Variants in VPS8 observed in about 807,000 individuals in gnomAD.
VPS8 encodes the protein vacuolar protein sorting-associated protein 8 homolog.
A neutral mutation model predicts 216.4 loss-of-function variants in VPS8; 129 were observed. The ratio of observed to expected loss-of-function variants is 0.60; its 90% confidence interval spans 0.52 to 0.69. The LOEUF (loss-of-function observed/expected upper bound fraction) is 0.69, where lower values mean the gene tolerates loss of function less well. VPS8 is among the 30% of genes least tolerant of loss of function. VPS8 has a pLI of 0.00. For synonymous variants in VPS8, 571 were observed against 565.4 expected, an observed-to-expected ratio of 1.01 and a Z score of -0.14; for missense variants, 1,531 against 1,683.5, an observed-to-expected ratio of 0.91 and a Z score of 1.59.
At chr3:184,967,305 G>T (rs1747580218) in intron 39 of VPS8, among the ~76,000 whole-genome samples, 1 of 152,126 alleles carries the variant, frequency 6.6e-6, no homozygotes, top group Non-Finnish European at 1.5e-5. Context: ...CAAAAGTATG[G>T]TTTAGTTATG....
chr3:184,850,166 A>G lies in VPS8; in HGVS notation c.753+144A>G, dbSNP rs1723983053. 4 of 649,054 alleles carry G rather than the reference A, an allele frequency of 6.2e-6. No homozygotes were observed. In the South Asian group the frequency reaches 6.5e-5, roughly 11 times the overall value. The allele number at this position is 649,054 out of a possible 1,614,324, so 40.2% of individuals were successfully genotyped here. On this transcript the variant is annotated intron_variant, in intron 10 of 47. Transcript: ENST00000625842. ...ACATTACCTTATAAATAGAATCCTC[A>G]ACATTGAGCTGTCTTTTATTTGACT...
At chr3:184,824,867 C>T in intron 2 of VPS8, 82 bp downstream of exon 2, 4 of 1,348,136 alleles carry the variant, frequency 3.0e-6, no homozygotes, top group Non-Finnish European at 4.1e-6. Flanking sequence ...GACTCTAAGT[C>T]TGTCATTTTT....
intron 3 of VPS8, 27 bp from the exon 4 acceptor site, chr3:184,832,662 G>T: frequency 6.3e-7 from 1 of 1,575,862 alleles, no homozygotes; most frequent in East Asian, 2.3e-5. Flanking sequence ...GATTTTGAAT[G>T]TATTGATTTA....
rs915163632 is a variant in VPS8, at chr3:184,920,110, T to G, written c.2383-17T>G. On this transcript the variant is annotated splice_polypyrimidine_tract_variant and intron_variant, in intron 28 of 47. Coordinates refer to ENST00000625842, the MANE Select transcript of VPS8 (RefSeq NM_001009921.3). Reference sequence around the variant, plus strand: ...GCAAATAATAATTACTTTAAAAAATTTATTTCTCCCTTTTAGACTTTTGAA... The same window carrying G: ...GCAAATAATAATTACTTTAAAAAATGTATTTCTCCCTTTTAGACTTTTGAA... 4.7e-6 allele frequency: 7 copies of G among 1,490,232 alleles called. No homozygotes were observed. The African/African-American group carries it at 7.1e-5, about 15-fold the overall frequency. The allele number at this position is 1,490,232 out of a possible 1,614,324, so 92.3% of individuals were successfully genotyped here.
chr3:184,862,746 A>G (rs566138846), intron 15 of VPS8, 151 bp from the exon 16 acceptor site: 12 of 706,928 alleles, frequency 1.7e-5, no homozygotes, highest in Non-Finnish European at 2.8e-5. Context: ...CCTGTCACTG[A>G]GTAGTTCTTG....
intron 44 of VPS8, 96 bp from the exon 45 acceptor site, chr3:184,999,600 G>C (rs576082897): frequency 7.1e-7 from 1 of 1,403,242 alleles, no homozygotes; most frequent in Non-Finnish European, 9.5e-7. Flanking sequence ...ATTTCTACTT[G>C]TTAGAGATTT....
intron 33 of VPS8, among the ~76,000 whole-genome samples, 182 bp from the exon 34 acceptor site, chr3:184,930,288 G>A (rs1740450718): frequency 1.3e-5 from 2 of 152,128 alleles, no homozygotes; most frequent in Admixed American, 1.3e-4. Flanking sequence ...TTGCTTCTAA[G>A]AGTCTACCCT....
chr3:184,940,166 T>G (rs1742391560), intron 35 of VPS8, 31 bp from the exon 36 acceptor site: 3 of 1,388,820 alleles, frequency 2.2e-6, no homozygotes, highest in African/African-American at 1.4e-5. Context: ...TTTTAATATT[T>G]AATTGTAATT....
At chr3:184,938,917 C>T (rs2109310056) in intron 35 of VPS8, among the ~76,000 whole-genome samples, 1 of 150,860 alleles carries the variant, frequency 6.6e-6, no homozygotes, top group South Asian at 2.1e-4. Flanking sequence ...TTTGTCCCAG[C>T]TGTACGGGAG....
rs569101892 is a variant in VPS8, at chr3:184,945,177, A to C, written c.3035+4934A>C. On this transcript the variant is annotated intron_variant, in intron 36 of 47. Coordinates refer to ENST00000625842, the MANE Select transcript of VPS8 (RefSeq NM_001009921.3). ...TCTTTCTCTCTCTCTCTCTCTCTATATATATATGTTTATTACATATATATT... is the reference window on the plus strand; with the variant it reads ...TCTTTCTCTCTCTCTCTCTCTCTATCTATATATGTTTATTACATATATATT... Among the ~76,000 whole-genome samples the C allele has an allele frequency of 7.4e-4, 112 of 151,752 alleles. 1 individual carries two copies. The highest frequency in any genetic ancestry group is 2.6e-3 in the African/African-American group (107 of 41,398).
At chr3:185,023,590 G>A (rs1039579129) in intron 45 of VPS8, among the ~76,000 whole-genome samples, 5 of 152,014 alleles carry the variant, frequency 3.3e-5, no homozygotes, top group Admixed American at 1.3e-4. Context: ...CCTGGGAGGC[G>A]GAGGTTGCAA....
rs542793865 is a variant in VPS8 at position 185,004,518 on chromosome 3, G to C, written c.4002+4657G>C. Among the ~76,000 whole-genome samples, 7 of 69,626 alleles carry C rather than the reference G, an allele frequency of 1.0e-4. No individual in the cohort carries two copies. The East Asian group carries it at 3.0e-3, about 30-fold the overall frequency. The allele number at this position is 69,626 out of a possible 152,430, so 45.7% of individuals were successfully genotyped here. A position where few individuals can be genotyped will look rare whatever the true frequency, so the allele number is the denominator to read the frequency against. Reference sequence around the variant, plus strand: ...TGGGGAGAGGGAGACCGCGGGGAGAGGGAGAGGGAGAGCTCTTTTTTATTT... The same window carrying C: ...TGGGGAGAGGGAGACCGCGGGGAGACGGAGAGGGAGAGCTCTTTTTTATTT... On this transcript the variant is annotated intron_variant, in intron 45 of 47. Coordinates refer to ENST00000625842, the MANE Select transcript of VPS8 (RefSeq NM_001009921.3).
chr3:184,981,520 G>A (rs1469808721), intron 40 of VPS8, among the ~76,000 whole-genome samples: 2 of 138,408 alleles, frequency 1.4e-5, no homozygotes, highest in Non-Finnish European at 3.0e-5. Context: ...TGCAACCTCC[G>A]CCTCCCAGGT....
Position 184,860,047 on chromosome 3 carries a change from T to C in VPS8, c.1206T>C (p.Tyr402=), listed in dbSNP as rs1029641430. 1.2e-6 allele frequency: 2 copies of C among 1,612,056 alleles called. No homozygotes were observed. The highest frequency in any genetic ancestry group is 1.3e-5 in the African/African-American group (1 of 75,018). Residue 402 remains tyrosine (Y), a synonymous_variant, in exon 15 of 48, where the codon TAT becomes TAC. Coordinates refer to ENST00000625842, the MANE Select transcript of VPS8 (RefSeq NM_001009921.3). Reference sequence around the variant, plus strand: ...AGCAAAAGCATCTTCACCTATACTATGACCTCATCAACTTTACCGTGAGTA... The same window carrying C: ...AGCAAAAGCATCTTCACCTATACTACGACCTCATCAACTTTACCGTGAGTA... The part of the protein sequence containing the change: ...VTKQKHLHLY[Y]DLINFTWINS...
At chr3:184,835,600 T>C (rs1458809605) in intron 5 of VPS8, among the ~76,000 whole-genome samples, 1 of 152,188 alleles carries the variant, frequency 6.6e-6, no homozygotes, top group African/African-American at 2.4e-5. Flanking sequence ...ATAATGATAA[T>C]GACAGATTTA....
intron 46 of VPS8, among the ~76,000 whole-genome samples, chr3:185,031,071 T>G (rs975637478): frequency 4.9e-5 from 7 of 142,390 alleles, no homozygotes; most frequent in East Asian, 2.0e-4. Context: ...GCGTTTTTTT[T>G]TTTTTTTTTT....
At chr3:184,964,789 T>G (rs1326681688) in intron 38 of VPS8, among the ~76,000 whole-genome samples, 1 of 152,214 alleles carries the variant, frequency 6.6e-6, no homozygotes, top group African/African-American at 2.4e-5. Flanking sequence ...TGATGAGTTT[T>G]TGACAAGTAT....
At chr3:184,869,561 C>G in intron 20 of VPS8, 33 bp downstream of exon 20, 1 of 1,608,596 alleles carries the variant, frequency 6.2e-7, no homozygotes, top group Non-Finnish European at 8.5e-7. Flanking sequence ...TACTAGAATA[C>G]AGTGCAGATT....
intron 44 of VPS8, among the ~76,000 whole-genome samples, chr3:184,998,175 T>G (rs1160311066): frequency 6.6e-6 from 1 of 152,114 alleles, no homozygotes; most frequent in East Asian, 1.9e-4. Flanking sequence ...ACTTTTACTC[T>G]GAGATGCGAA....
Sources: allele counts gnomAD v4.1 joint callset (sites outside exome capture counted in the v4.1 genomes callset), GRCh38; gene constraint gnomAD v4.1.1; transcripts MANE v1.5; gene names NCBI Gene and HGNC (gene_info 2026-07-23, HGNC 2026-07-21).